UPF1: variants seen among roughly 807,000 people sequenced by gnomAD.
UPF1 encodes UPF1 RNA helicase and ATPase, also known as regulator of nonsense transcripts 1.
UPF1 carries 9 observed loss-of-function variants against 129.2 expected under a neutral mutation model. The ratio of observed to expected loss-of-function variants is 0.07; its 90% CI spans 0.04 to 0.12. The LOEUF is 0.12. UPF1 is among the 10% of genes least tolerant of loss of function. The pLI is 1.00. For missense variants in UPF1, 788 were observed against 1,525.3 expected (o/e 0.52, Z 8.05); for synonymous variants, 649 against 644.9 (o/e 1.01, Z -0.10).
At chr19:18,835,006 T>C (rs1259581813) in intron 1 of UPF1, among the ~76,000 whole-genome samples, 1 of 152,188 alleles carries the variant, frequency 6.6e-6, no homozygotes, top group Non-Finnish European at 1.5e-5. Context: ...CGGCGGCTTT[T>C]ATTTAGTATA....
chr19:18,854,117 G>A (rs2055689868), intron 8 of UPF1, among the ~76,000 whole-genome samples: 1 of 152,206 alleles, frequency 6.6e-6, no homozygotes, highest in African/African-American at 2.4e-5. Flanking sequence ...TGTGTATGTG[G>A]AGCCTTTTGC....
In UPF1 at chr19:18,865,522, C is replaced by T. The variant is rs1568284979; in HGVS notation, c.3020-39C>T. The T allele has an allele frequency of 6.2e-7, 1 of 1,613,228 alleles. No homozygotes were observed. ...TGAGGGTGTGCTTGTCTGCGAGGCCCTGGCCTCCTTCGGATCACCCTGGAC... is the reference window on the plus strand; with the variant it reads ...TGAGGGTGTGCTTGTCTGCGAGGCCTTGGCCTCCTTCGGATCACCCTGGAC... On this transcript the variant is annotated intron_variant, in intron 21 of 23. Coordinates refer to ENST00000262803, the MANE Select transcript of UPF1 (RefSeq NM_002911.4). This position sits in a 1 kb window ranked among gnomAD's most constrained non-coding sequence, Gnocchi z 6.1.
chr19:18,865,689 T>C lies in UPF1; in HGVS notation c.3148T>C (p.Ser1050Pro). Residue 1050 changes from serine (S) to proline (P), a missense_variant, in exon 22 of 24, where the codon TCT (serine) becomes CCT (proline). Ser to Pro is a moderately conservative substitution (Grantham distance 74). Coordinates refer to ENST00000262803, the MANE Select transcript of UPF1 (RefSeq NM_002911.4). The surrounding 1 kb of genome is among the most constrained non-coding windows in gnomAD (Gnocchi z 6.1). ...CCAGGATGTGGCGTCACAGCCCTTC[T>C]CTCAGGGCGCCCTGACGCAGGGCTA... is the stretch of plus-strand genomic sequence containing the variant. Reference protein sequence around the residue: ...ASQDVASQPFSQGALTQGYIS... With the variant: ...ASQDVASQPFPQGALTQGYIS... 6.2e-7 allele frequency: 1 copy of C among 1,613,774 alleles called. No homozygotes were observed. The highest frequency in any genetic ancestry group is 2.2e-5 in the East Asian group (1 of 44,866).
intron 17 of UPF1, among the ~76,000 whole-genome samples, chr19:18,861,561 C>T (rs1285406640): frequency 1.3e-5 from 2 of 152,194 alleles, no homozygotes; most frequent in African/African-American, 4.8e-5. Context: ...GGCTAGGTGT[C>T]ATGGCCCACA....
intron 5 of UPF1, 108 bp from the exon 6 acceptor site, chr19:18,852,027 T>C: frequency 1.4e-6 from 2 of 1,424,158 alleles, no homozygotes; most frequent in Non-Finnish European, 1.8e-6. Context: ...CCGTGGCCCA[T>C]TCTGAGAAGC....
chr19:18,843,518 G>GT (rs35934501), intron 1 of UPF1, among the ~76,000 whole-genome samples: 51,302 of 123,884 alleles, frequency 0.41, 12,236 homozygotes, highest in Middle Eastern at 0.56. Flanking sequence ...GACTTTCTTT[G>GT]TTTTTTTTTT....
At chr19:18,833,539 G>C (rs1039165161) in intron 1 of UPF1, among the ~76,000 whole-genome samples, 11 of 151,204 alleles carry the variant, frequency 7.3e-5, no homozygotes, top group Admixed American at 4.6e-4. Flanking sequence ...GGTCCTGGGC[G>C]CTGCTTGCCT....
In UPF1 at chr19:18,857,314, C is replaced by T; in HGVS notation, c.1969-6C>T. Reference sequence around the variant, plus strand: ...TCTTGACTTGTGGGGGCCCCTGTTCCTACAGCTGATCCTTGTAGGCGACCA... The same window carrying T: ...TCTTGACTTGTGGGGGCCCCTGTTCTTACAGCTGATCCTTGTAGGCGACCA... On this transcript the variant is annotated splice_region_variant and splice_polypyrimidine_tract_variant and intron_variant, in intron 14 of 23. Coordinates refer to ENST00000262803, the MANE Select transcript of UPF1 (RefSeq NM_002911.4). 8 of 1,609,462 alleles carry T rather than the reference C, an allele frequency of 5.0e-6. No homozygotes were observed. The highest frequency in any genetic ancestry group is 6.8e-6 in the Non-Finnish European group (8 of 1,178,534).
intron 10 of UPF1, 36 bp downstream of exon 10, chr19:18,855,074 T>C: frequency 3.1e-6 from 5 of 1,613,064 alleles, no homozygotes; most frequent in South Asian, 1.1e-5. Context: ...GCCTCGCCCA[T>C]GGGCCGGGAC....
At chr19:18,852,846 G>A in intron 6 of UPF1, 141 bp from the exon 7 acceptor site, 2 of 689,324 alleles carry the variant, frequency 2.9e-6, no homozygotes, top group Non-Finnish European at 5.1e-6. Flanking sequence ...TGGCATTTGG[G>A]GCTGCAGGTG....
intron 15 of UPF1, chr19:18,860,117 G>A (rs749039664): frequency 1.1e-5 from 7 of 616,472 alleles, no homozygotes; most frequent in African/African-American, 5.5e-5. Flanking sequence ...TGGTGCTCTC[G>A]GTGGCCTCTC....
intron 6 of UPF1, 120 bp from the exon 7 acceptor site, chr19:18,852,867 C>T (rs942139682): frequency 6.4e-5 from 51 of 792,696 alleles, no homozygotes; most frequent in Middle Eastern, 7.6e-4. Flanking sequence ...CCACTCACGG[C>T]GCCTGCTCTC....
chr19:18,853,636 T>TTGTGTGGCAC lies in UPF1; in HGVS notation c.1156+287_1156+296dup, dbSNP rs1443977568. On this transcript the variant is annotated intron_variant, in intron 8 of 23. Coordinates refer to ENST00000262803, the MANE Select transcript of UPF1 (RefSeq NM_002911.4). The surrounding 1 kb of genome is among the most constrained non-coding windows in gnomAD (Gnocchi z 4.4). ...GACTCTGGAAGTTAATGTATGCCGC[T>TTGTGTGGCAC]TGTGTGGCACGTCCCTGGACTGACT... Among the ~76,000 whole-genome samples the TTGTGTGGCAC allele has an allele frequency of 1.3e-5, 2 of 152,174 alleles. No homozygotes were observed. The highest frequency in any genetic ancestry group is 2.1e-4 in the South Asian group (1 of 4,822).
chr19:18,845,613 G>C (rs1260250785), intron 1 of UPF1, among the ~76,000 whole-genome samples: 1 of 152,136 alleles, frequency 6.6e-6, no homozygotes, highest in Non-Finnish European at 1.5e-5. Flanking sequence ...GGTGGGTCTG[G>C]CATCATGAAG....
At position 18,850,894 on chromosome 19, in the gene UPF1, G is replaced by T; in HGVS notation, c.810+26G>T. The T allele has an allele frequency of 2.0e-6, 3 of 1,516,692 alleles. No individual in the cohort carries two copies. Among genetic ancestry groups the T allele is most frequent in the South Asian group, 2.5e-5 (2 of 78,740 alleles). 94.0% of individuals were successfully genotyped at this position (1,516,692 alleles called of 1,614,324 possible). On this transcript the variant is annotated intron_variant, in intron 5 of 23. Transcript: ENST00000262803. This position sits in a 1 kb window ranked among gnomAD's most constrained non-coding sequence, Gnocchi z 7.1. ...GTGGGGCTGCCCAGCGGGCCGACCC[G>T]TGCCTTCGTGTGGTTTCTGGTTGCG... is the stretch of plus-strand genomic sequence containing the variant.
chr19:18,835,395 G>A (rs1838456427), intron 1 of UPF1, among the ~76,000 whole-genome samples: 1 of 151,818 alleles, frequency 6.6e-6, no homozygotes, highest in African/African-American at 2.4e-5. Context: ...AGGCTGGGGT[G>A]CAGTGGCGTG....
intron 1 of UPF1, among the ~76,000 whole-genome samples, chr19:18,843,019 C>T (rs1298615860): frequency 6.6e-6 from 1 of 152,066 alleles, no homozygotes; most frequent in Non-Finnish European, 1.5e-5. Flanking sequence ...AGAGATGGGG[C>T]CTCACTATCT....
intron 15 of UPF1, among the ~76,000 whole-genome samples, chr19:18,859,079 A>G (rs1310076955): frequency 6.6e-6 from 1 of 152,140 alleles, no homozygotes; most frequent in Non-Finnish European, 1.5e-5. Flanking sequence ...TGATGCCACT[A>G]TTGACATCGC....
intron 1 of UPF1, among the ~76,000 whole-genome samples, chr19:18,840,647 G>A (rs1167780865): frequency 3.9e-5 from 6 of 152,222 alleles, no homozygotes; most frequent in Non-Finnish European, 7.3e-5. Context: ...GCTGGTGGGA[G>A]GAGTGGGTCC....
Sources: allele counts gnomAD v4.1 joint callset (sites outside exome capture counted in the v4.1 genomes callset), GRCh38; gene constraint gnomAD v4.1.1; non-coding constraint Gnocchi (gnomAD v3.1); transcripts MANE v1.5; gene names NCBI Gene and HGNC (gene_info 2026-07-23, HGNC 2026-07-21).